Variants in PTPRT observed in about 807,000 individuals in gnomAD.
PTPRT encodes protein tyrosine phosphatase receptor type T.
In PTPRT, 56 loss-of-function variants were observed where a neutral mutation model predicts 176.8. That is an observed-to-expected ratio of 0.32 (90% CI 0.26 to 0.40). PTPRT has a LOEUF of 0.40. Among genes scored for constraint, PTPRT ranks in the 10% least tolerant of loss-of-function variants. PTPRT has a pLI of 1.00. For missense variants in PTPRT, 1,540 were observed against 1,908.2 expected, an observed-to-expected ratio of 0.81 and a Z score of 3.60; for synonymous variants, 783 against 739.0, an observed-to-expected ratio of 1.06 and a Z score of -0.96.
chr20:42,513,961 T>C (rs1316884133), intron 7 of PTPRT, among the ~76,000 whole-genome samples: 8 of 152,192 alleles, frequency 5.3e-5, no homozygotes, highest in Admixed American at 1.3e-4. Context: ...CTGGTGGCTA[T>C]AGTTTGCTCA....
At chr20:42,319,956 A>G (rs1335655122) in intron 11 of PTPRT, among the ~76,000 whole-genome samples, 1 of 152,166 alleles carries the variant, frequency 6.6e-6, no homozygotes. Context: ...CAATAACATG[A>G]GAGAAGAATA....
intron 16 of PTPRT, among the ~76,000 whole-genome samples, chr20:42,178,408 G>A (rs894570516): frequency 2.0e-5 from 3 of 152,160 alleles, no homozygotes; most frequent in Non-Finnish European, 4.4e-5. Flanking sequence ...GCAATGAGAG[G>A]TCTGGACTGT....
At chr20:42,927,902 G>T (rs1190101186) in intron 1 of PTPRT, among the ~76,000 whole-genome samples, 1 of 152,206 alleles carries the variant, frequency 6.6e-6, no homozygotes, top group Non-Finnish European at 1.5e-5. Flanking sequence ...ATTTTACAGA[G>T]AGATGAAGTA....
intron 6 of PTPRT, among the ~76,000 whole-genome samples, chr20:42,728,728 G>A (rs1287177355): frequency 1.3e-5 from 2 of 152,132 alleles, no homozygotes; most frequent in South Asian, 2.1e-4. Flanking sequence ...GGGCCCATGC[G>A]CTAACAATGA....
chr20:42,634,003 A>AT (rs2074507062), intron 7 of PTPRT, among the ~76,000 whole-genome samples: 1 of 25,282 alleles, frequency 4.0e-5, no homozygotes, highest in African/African-American at 2.2e-4. Flanking sequence ...TATATATTAT[A>AT]TATATATAAT....
At chr20:43,044,896 A>T (rs1478327205) in intron 1 of PTPRT, among the ~76,000 whole-genome samples, 3 of 152,208 alleles carry the variant, frequency 2.0e-5, no homozygotes, top group African/African-American at 7.2e-5. Context: ...TAACTACTCA[A>T]AATCAAATTG....
chr20:42,524,886 C>A (rs1015087390), intron 7 of PTPRT, among the ~76,000 whole-genome samples: 1 of 152,080 alleles, frequency 6.6e-6, no homozygotes, highest in African/African-American at 2.4e-5. Context: ...CTGTATGTCT[C>A]ATTTCCTTCA....
At chr20:43,086,799 G>A (rs952673992) in intron 1 of PTPRT, among the ~76,000 whole-genome samples, 1 of 152,158 alleles carries the variant, frequency 6.6e-6, no homozygotes, top group East Asian at 1.9e-4. Flanking sequence ...ATAACCGGGG[G>A]CTGGGAGGGA....
intron 1 of PTPRT, among the ~76,000 whole-genome samples, chr20:42,954,059 C>T (rs760233990): frequency 2.0e-5 from 3 of 152,064 alleles, no homozygotes; most frequent in South Asian, 2.1e-4. Flanking sequence ...TCTAAGACCT[C>T]CCGTGGGATG....
intron 2 of PTPRT, among the ~76,000 whole-genome samples, chr20:42,850,506 T>C (rs2078449766): frequency 6.6e-6 from 1 of 152,232 alleles, no homozygotes. Context: ...ATTTTATTTA[T>C]GTTAGGAGAC....
At chr20:42,239,612 C>T (rs190510832) in intron 14 of PTPRT, among the ~76,000 whole-genome samples, 267 of 151,662 alleles carry the variant, frequency 1.8e-3, no homozygotes, top group African/African-American at 5.8e-3. Flanking sequence ...TTAGTAGAGA[C>T]GGGGTTTCAC....
chr20:43,137,796 A>G (rs1353262875), intron 1 of PTPRT, among the ~76,000 whole-genome samples: 1 of 152,118 alleles, frequency 6.6e-6, no homozygotes, highest in Non-Finnish European at 1.5e-5. Context: ...GTACACACAC[A>G]CATGCACACG....
intron 11 of PTPRT, among the ~76,000 whole-genome samples, chr20:42,339,694 T>C (rs1286909828): frequency 6.6e-6 from 1 of 152,188 alleles, no homozygotes; most frequent in Non-Finnish European, 1.5e-5. Context: ...CTATAGTCCT[T>C]GGGGACAGGC....
intron 1 of PTPRT, among the ~76,000 whole-genome samples, chr20:43,120,732 T>C (rs2013228775): frequency 6.6e-6 from 1 of 152,244 alleles, no homozygotes; most frequent in African/African-American, 2.4e-5. Flanking sequence ...TGAAAACGAC[T>C]GACATATTCT....
intron 2 of PTPRT, among the ~76,000 whole-genome samples, chr20:42,880,160 T>C (rs966745430): frequency 1.3e-5 from 2 of 151,928 alleles, no homozygotes; most frequent in Non-Finnish European, 2.9e-5. Flanking sequence ...GCTGTGACAA[T>C]GGCTCCTAGC....
chr20:42,419,329 G>T (rs768210232), intron 9 of PTPRT, among the ~76,000 whole-genome samples: 4 of 152,142 alleles, frequency 2.6e-5, no homozygotes, highest in Non-Finnish European at 4.4e-5. Flanking sequence ...AGGGAAAGAG[G>T]GGTTCATTGC....
intron 2 of PTPRT, among the ~76,000 whole-genome samples, chr20:42,793,507 A>G (rs1359627605): frequency 6.6e-6 from 1 of 152,186 alleles, no homozygotes; most frequent in African/African-American, 2.4e-5. Flanking sequence ...CGCAAAAGTC[A>G]TGATTTCGGA....
intron 30 of PTPRT, among the ~76,000 whole-genome samples, chr20:42,081,138 T>A (rs1983286116): frequency 1.3e-5 from 2 of 152,218 alleles, no homozygotes; most frequent in Non-Finnish European, 2.9e-5. Context: ...CTTCCTCGAA[T>A]GCCCAGCTGG....
At chr20:42,039,444 C>G in the PTPRT span, among the ~76,000 whole-genome samples, 1 of 151,954 alleles carries the variant, frequency 6.6e-6, no homozygotes, top group African/African-American at 2.4e-5. Flanking sequence ...TCCTATGTAA[C>G]TAAAATGTTG....
Sources: allele counts gnomAD v4.1 joint callset (sites outside exome capture counted in the v4.1 genomes callset), GRCh38; gene constraint gnomAD v4.1.1; transcripts MANE v1.5; gene names NCBI Gene and HGNC (gene_info 2026-07-23, HGNC 2026-07-21).